The following RFC3 variants were observed in gnomAD, a reference collection of about 807,000 sequenced individuals.
RFC3 encodes A1 38 kDa subunit.
Under a neutral mutation model 45.1 loss-of-function variants are expected in RFC3, and 41 were observed. The observed-to-expected ratio is 0.91, with a 90% CI of 0.71 to 1.18. The LOEUF (loss-of-function observed/expected upper bound fraction) is 1.18, where lower values mean the gene tolerates loss of function less well. Among genes scored for constraint, RFC3 ranks in the 50% most tolerant of loss-of-function variants. The pLI is 0.00. For synonymous variants in RFC3, 149 were observed against 144.0 expected (o/e 1.03, Z -0.25); for missense variants, 423 against 428.1 (o/e 0.99, Z 0.10).
chr13:33,927,143 G>A (rs952265432), intron 8 of RFC3, among the ~76,000 whole-genome samples: 2 of 151,838 alleles, frequency 1.3e-5, no homozygotes, highest in South Asian at 4.2e-4. Flanking sequence ...AAAAAGATCG[G>A]GAGTGGCGTA....
intron 8 of RFC3, among the ~76,000 whole-genome samples, chr13:33,893,848 G>A (rs886773862): frequency 2.6e-5 from 4 of 151,908 alleles, no homozygotes; most frequent in Non-Finnish European, 5.9e-5. Context: ...AAAGAAAAAA[G>A]AATGAAGACC....
chr13:33,931,188 G>T (rs1246218174), intron 8 of RFC3, among the ~76,000 whole-genome samples: 1 of 152,066 alleles, frequency 6.6e-6, no homozygotes, highest in Non-Finnish European at 1.5e-5. Context: ...GAATTTTCAA[G>T]AGCTGATGTT....
chr13:33,897,144 T>C (rs1042573299), intron 8 of RFC3, among the ~76,000 whole-genome samples: 1 of 152,168 alleles, frequency 6.6e-6, no homozygotes. Flanking sequence ...AATCCATTTA[T>C]AACTCTAGTT....
In RFC3 at chr13:33,926,162, A is replaced by G. The variant is rs1468213434; in HGVS notation, c.880-39925A>G. Reference sequence around the variant, plus strand: ...TCATAGGTGGGAATTGAACAATGAGAACACATGGACACAGGAAGGGGAACA... The same window carrying G: ...TCATAGGTGGGAATTGAACAATGAGGACACATGGACACAGGAAGGGGAACA... On this transcript the variant is annotated intron_variant, in intron 8 of 8. Transcript: ENST00000434425. Among the ~76,000 whole-genome samples, 5 of 142,884 alleles carry G rather than the reference A, an allele frequency of 3.5e-5. No homozygotes were observed. The Admixed American group carries it at 3.7e-4, about 11-fold the overall frequency. The allele number at this position is 142,884 out of a possible 152,430, so 93.7% of individuals were successfully genotyped here.
intron 3 of RFC3, among the ~76,000 whole-genome samples, chr13:33,824,699 G>A (rs559891201): frequency 3.1e-4 from 47 of 152,190 alleles, no homozygotes; most frequent in African/African-American, 1.0e-3. Flanking sequence ...TGGAGCAGGA[G>A]GAATACCATT....
chr13:33,930,024 T>C (rs1382113700), intron 8 of RFC3, among the ~76,000 whole-genome samples: 1 of 152,152 alleles, frequency 6.6e-6, no homozygotes, highest in Non-Finnish European at 1.5e-5. Context: ...CTGTTTTTCC[T>C]AATCTCTGAC....
chr13:33,852,904 T>A (rs2082285170), intron 8 of RFC3, among the ~76,000 whole-genome samples: 1 of 152,122 alleles, frequency 6.6e-6, no homozygotes, highest in South Asian at 2.1e-4. Context: ...AGAGACTGCT[T>A]TGGCTTAATG....
At chr13:33,881,489 G>T (rs1318684485) in intron 8 of RFC3, among the ~76,000 whole-genome samples, 2 of 152,002 alleles carry the variant, frequency 1.3e-5, no homozygotes, top group Admixed American at 6.6e-5. Flanking sequence ...GCATCATTCT[G>T]GCTCACCTGA....
intron 8 of RFC3, among the ~76,000 whole-genome samples, chr13:33,951,487 T>G (rs2082991108): frequency 6.6e-6 from 1 of 152,140 alleles, no homozygotes; most frequent in Non-Finnish European, 1.5e-5. Context: ...GGCCTTGGCC[T>G]TTCAAAAGTG....
intron 1 of RFC3, among the ~76,000 whole-genome samples, chr13:33,820,904 T>C (rs991210882): frequency 1.3e-3 from 16 of 11,962 alleles, no homozygotes; most frequent in African/African-American, 7.1e-3. Context: ...CTTTTCAGCA[T>C]ATATATATTT....
At chr13:33,933,673 A>C (rs997217136) in intron 8 of RFC3, among the ~76,000 whole-genome samples, 9 of 152,132 alleles carry the variant, frequency 5.9e-5, no homozygotes, top group African/African-American at 2.2e-4. Context: ...GAAAATAAGA[A>C]GGGAGAAACT....
intron 8 of RFC3, among the ~76,000 whole-genome samples, chr13:33,925,194 CTATA>C (rs2082797959): frequency 7.5e-6 from 1 of 134,216 alleles, no homozygotes; most frequent in Non-Finnish European, 1.6e-5. Flanking sequence ...ATATAGTGTA[CTATA>C]TACATACACA....
In RFC3 at chr13:33,830,008, C is replaced by T; in HGVS notation, c.564C>T (p.Ser188=). ...TGGCGGTTCGTGTGCCTGCTCCCAGCATTGAAGATGTAGGTCAAGTTACAC... is the reference window on the plus strand; with the variant it reads ...TGGCGGTTCGTGTGCCTGCTCCCAGTATTGAAGATGTAGGTCAAGTTACAC... ...RCLAVRVPAP[S]IEDICHVLST... is the part of the protein sequence containing the mutation. The change falls in exon 5 of 9, where the codon AGC becomes AGT. Residue 188 remains serine (S), a synonymous_variant. Transcript: ENST00000380071. The T allele has an allele frequency of 1.2e-6, 2 of 1,613,564 alleles. No homozygotes were observed. The highest frequency in any genetic ancestry group is 1.7e-6 in the Non-Finnish European group (2 of 1,179,612).
At chr13:33,910,639 AAAG>A in intron 8 of RFC3, among the ~76,000 whole-genome samples, 1 of 152,288 alleles carries the variant, frequency 6.6e-6, no homozygotes, top group Non-Finnish European at 1.5e-5. Flanking sequence ...TATTTCAGGC[AAAG>A]AAGAACAGCA....
chr13:33,920,419 A>ATT (rs2082761211), intron 8 of RFC3, among the ~76,000 whole-genome samples: 2 of 113,252 alleles, frequency 1.8e-5, no homozygotes, highest in Admixed American at 8.8e-5. Flanking sequence ...GTACAACCAC[A>ATT]CTTTTTTTTT....
intron 8 of RFC3, among the ~76,000 whole-genome samples, chr13:33,920,275 C>T (rs1355912174): frequency 1.3e-5 from 2 of 152,070 alleles, no homozygotes; most frequent in African/African-American, 4.8e-5. Flanking sequence ...AACTTCCAAC[C>T]AAATACCCTC....
intron 6 of RFC3, among the ~76,000 whole-genome samples, 159 bp from the exon 7 acceptor site, chr13:33,831,097 G>C (rs538513787): frequency 6.6e-6 from 1 of 152,174 alleles, no homozygotes; most frequent in Non-Finnish European, 1.5e-5. Context: ...TCACTGGTCC[G>C]ACAGGAGGTG....
At chr13:33,930,398 C>CT (rs1431505592) in intron 8 of RFC3, among the ~76,000 whole-genome samples, 2 of 152,100 alleles carry the variant, frequency 1.3e-5, no homozygotes, top group Admixed American at 6.6e-5. Flanking sequence ...AACCTAAAGT[C>CT]TGATATTTGA....
intron 8 of RFC3, among the ~76,000 whole-genome samples, chr13:33,904,335 G>T (rs1418199889): frequency 2.0e-5 from 3 of 151,710 alleles, no homozygotes; most frequent in Non-Finnish European, 4.4e-5. Context: ...CTCGTTTTTT[G>T]ATTGCCAAAG....
Sources: allele counts gnomAD v4.1 joint callset (sites outside exome capture counted in the v4.1 genomes callset), GRCh38; gene constraint gnomAD v4.1.1; transcripts MANE v1.5; gene names NCBI Gene and HGNC (gene_info 2026-07-23, HGNC 2026-07-21).